Variants in STXBP5L observed in about 807,000 individuals in gnomAD.
STXBP5L encodes the protein syntaxin binding protein 5L.
In STXBP5L, 65 loss-of-function variants were observed where a neutral mutation model predicts 144.5. The ratio of observed to expected loss-of-function variants is 0.45; its 90% CI spans 0.37 to 0.55. The LOEUF is 0.55. STXBP5L is among the 20% of genes least tolerant of loss of function. The pLI is 0.00. For missense variants in STXBP5L, 1,298 were observed against 1,405.5 expected (o/e 0.92, Z 1.22); for synonymous variants, 505 against 469.6 (o/e 1.08, Z -0.97).
Position 120,991,256 on chromosome 3 carries a change from A to C in STXBP5L, c.287+36219A>C, listed in dbSNP as rs1424881022. ...TGCTCATCATCACTGGCCATCAGAG[A>C]AATGCAAATCAAAACCACAATGAGA... On this transcript the variant is annotated intron_variant, in intron 3 of 26. Coordinates refer to ENST00000471454, the MANE Select transcript of STXBP5L (RefSeq NM_001308330.2). Among the ~76,000 whole-genome samples, 8 of 151,744 alleles carry C rather than the reference A, an allele frequency of 5.3e-5. No individual in the cohort carries two copies. The East Asian group carries it at 7.7e-4, about 15-fold the overall frequency.
intron 5 of STXBP5L, among the ~76,000 whole-genome samples, chr3:121,114,366 A>T (rs1435892427): frequency 1.3e-5 from 2 of 152,096 alleles, no homozygotes; most frequent in Non-Finnish European, 2.9e-5. Context: ...ATAATTTATC[A>T]TCTCATGTAG....
chr3:120,949,866 T>C (rs1167005027), intron 2 of STXBP5L, among the ~76,000 whole-genome samples: 2 of 152,200 alleles, frequency 1.3e-5, no homozygotes, highest in Admixed American at 1.3e-4. Context: ...GCCTCCAGAT[T>C]TGTTTTCTTT....
chr3:121,074,679 T>C (rs1195572004), intron 5 of STXBP5L, among the ~76,000 whole-genome samples: 1 of 152,212 alleles, frequency 6.6e-6, no homozygotes, highest in Non-Finnish European at 1.5e-5. Flanking sequence ...ATTTTGCATC[T>C]CTCATAGAGT....
At chr3:121,373,157 C>A (rs1259796526) in intron 20 of STXBP5L, among the ~76,000 whole-genome samples, 1 of 152,136 alleles carries the variant, frequency 6.6e-6, no homozygotes, top group Non-Finnish European at 1.5e-5. Context: ...CAACAGGGAC[C>A]CTTTGAGGCA....
intron 3 of STXBP5L, among the ~76,000 whole-genome samples, chr3:120,970,074 C>T (rs995997682): frequency 1.3e-5 from 2 of 152,018 alleles, no homozygotes; most frequent in African/African-American, 4.8e-5. Flanking sequence ...CCAAACCCTA[C>T]CCTTTAACAC....
At position 121,095,448 on chromosome 3, in the gene STXBP5L, A is replaced by T. The variant is rs1054369732; in HGVS notation, c.471-19477A>T. On this transcript the variant is annotated intron_variant, in intron 5 of 26. Coordinates refer to ENST00000471454, the MANE Select transcript of STXBP5L (RefSeq NM_001308330.2). ...CAATCAGATGTGGATTTGATCTTTA[A>T]ACATAGTCCCATATTTCTTGGAGGC... Among the ~76,000 whole-genome samples, 9 of 152,024 alleles carry T rather than the reference A, an allele frequency of 5.9e-5. No individual in the cohort carries two copies. In the South Asian group the frequency reaches 1.9e-3, roughly 32 times the overall value.
In STXBP5L at chr3:121,002,903, G is replaced by A. The variant is rs569720256; in HGVS notation, c.288-38797G>A. ...CATGAACTCATCATTTTTTATGGCT[G>A]CATAGTATTCCATGGTGTATATGTG... On this transcript the variant is annotated intron_variant, in intron 3 of 26. Transcript: ENST00000471454. Among the ~76,000 whole-genome samples, 122 of 152,268 alleles carry A rather than the reference G, an allele frequency of 8.0e-4. 1 individual carries two copies. Among genetic ancestry groups the A allele is most frequent in the African/African-American group, 2.7e-3 (114 of 41,556 alleles).
In STXBP5L at chr3:120,921,175, G is replaced by T. The variant is rs754146457; in HGVS notation, c.189+11408G>T. ...TCTTTTATAAAAGCCATTTTAACTGGAGTGAGATGATATCTCATTGTAGTT... is the reference window on the plus strand; with the variant it reads ...TCTTTTATAAAAGCCATTTTAACTGTAGTGAGATGATATCTCATTGTAGTT... On this transcript the variant is annotated intron_variant, in intron 2 of 26. Transcript: ENST00000471454. Among the ~76,000 whole-genome samples the T allele has an allele frequency of 5.3e-5, 8 of 152,018 alleles. 1 individual carries two copies. In the Middle Eastern group the frequency reaches 0.017, roughly 323 times the overall value.
intron 3 of STXBP5L, among the ~76,000 whole-genome samples, chr3:121,011,902 A>T (rs564748437): frequency 1.1e-3 from 172 of 151,916 alleles, no homozygotes; most frequent in African/African-American, 3.9e-3. Flanking sequence ...TACTACAGTG[A>T]ATTTTAGAAC....
intron 3 of STXBP5L, among the ~76,000 whole-genome samples, chr3:121,011,141 TC>T (rs1215312588): frequency 1.3e-5 from 2 of 150,688 alleles, no homozygotes; most frequent in Admixed American, 1.3e-4. Flanking sequence ...CATCTCAACC[TC>T]ATTATCATAG....
Position 120,938,301 on chromosome 3 carries a change from A to G in STXBP5L, c.190-16639A>G, listed in dbSNP as rs1482653715. Among the ~76,000 whole-genome samples, 6 of 152,082 alleles carry G rather than the reference A, an allele frequency of 3.9e-5. No individual in the cohort carries two copies. In the East Asian group the frequency reaches 1.2e-3, roughly 29 times the overall value. On this transcript the variant is annotated intron_variant, in intron 2 of 26. Coordinates refer to ENST00000471454, the MANE Select transcript of STXBP5L (RefSeq NM_001308330.2). ...ATGGTTAAGTGGTTCATAGAATTCT[A>G]TTAAGCATCCTGGCTTATTTAAATC...
intron 13 of STXBP5L, among the ~76,000 whole-genome samples, chr3:121,240,065 C>T (rs569909779): frequency 6.6e-6 from 1 of 152,014 alleles, no homozygotes; most frequent in Non-Finnish European, 1.5e-5. Flanking sequence ...TCTCCCAGGG[C>T]TCTTGGGATG....
intron 20 of STXBP5L, among the ~76,000 whole-genome samples, chr3:121,369,246 A>G (rs2045956461): frequency 6.6e-6 from 1 of 152,114 alleles, no homozygotes; most frequent in African/African-American, 2.4e-5. Flanking sequence ...AATAAACTCC[A>G]GAGTTCCACA....
intron 20 of STXBP5L, among the ~76,000 whole-genome samples, chr3:121,370,254 G>C (rs747960435): frequency 2.4e-4 from 36 of 152,296 alleles, no homozygotes; most frequent in Middle Eastern, 6.8e-3. Context: ...TGTAATCCCA[G>C]CTACTTGGGA....
intron 3 of STXBP5L, among the ~76,000 whole-genome samples, chr3:121,020,957 C>A (rs988228343): frequency 6.6e-6 from 1 of 151,868 alleles, no homozygotes; most frequent in African/African-American, 2.4e-5. Flanking sequence ...AATTTCTCCA[C>A]TTGAAAGATA....
rs1428876132 is a variant in STXBP5L, at chr3:121,331,356, G to A, written c.2176+12816G>A. Among the ~76,000 whole-genome samples the A allele has an allele frequency of 2.6e-5, 4 of 152,194 alleles. No individual in the cohort carries two copies. The East Asian group carries it at 7.7e-4, about 29-fold the overall frequency. The stretch of plus-strand genomic sequence containing the variant: ...CACAGTTGAGGCTTCTCCCATGGGA[G>A]CTTAGCATGAGTGTACCTGTAGACA... On this transcript the variant is annotated intron_variant, in intron 20 of 26. Transcript: ENST00000471454.
At position 121,171,804 on chromosome 3, in the gene STXBP5L, C is replaced by T. The variant is rs1289678461; in HGVS notation, c.877+14177C>T. 4.6e-5 allele frequency among the ~76,000 whole-genome samples: 7 copies of T among 152,222 alleles called. No individual in the cohort carries two copies. The South Asian group carries it at 8.3e-4, about 18-fold the overall frequency. On this transcript the variant is annotated intron_variant, in intron 9 of 26. Coordinates refer to ENST00000471454, the MANE Select transcript of STXBP5L (RefSeq NM_001308330.2). ...AAGTAATTTATAGATTCAATGCTAT[C>T]CCCATCAAGCTACCATTGACTTTCT...
intron 3 of STXBP5L, among the ~76,000 whole-genome samples, chr3:121,003,242 G>A (rs1943946415): frequency 6.6e-6 from 1 of 152,148 alleles, no homozygotes; most frequent in Admixed American, 6.5e-5. Flanking sequence ...TTTAATGATT[G>A]CCATTCTAAC....
At chr3:121,378,423 T>C (rs1397510837) in intron 20 of STXBP5L, among the ~76,000 whole-genome samples, 1 of 152,166 alleles carries the variant, frequency 6.6e-6, no homozygotes, top group Non-Finnish European at 1.5e-5. Flanking sequence ...CAACAAAAAG[T>C]TTAATACTAT....
Sources: allele counts gnomAD v4.1 joint callset (sites outside exome capture counted in the v4.1 genomes callset), GRCh38; gene constraint gnomAD v4.1.1; transcripts MANE v1.5; gene names NCBI Gene and HGNC (gene_info 2026-07-23, HGNC 2026-07-21).